SPHKAP: variants seen among roughly 807,000 people sequenced by gnomAD.
The protein encoded by SPHKAP is A-kinase anchor protein SPHKAP.
Under a neutral mutation model 137.5 loss-of-function variants are expected in SPHKAP, and 67 were observed. The ratio of observed to expected loss-of-function variants is 0.49; its 90% confidence interval spans 0.40 to 0.60. SPHKAP has a LOEUF of 0.60. Ranked by LOEUF, SPHKAP falls within the 20% of genes least tolerant of loss-of-function variation. The probability of loss-of-function intolerance (pLI) is 0.00; values close to 1 mark genes in which losing one functional copy is unlikely to be tolerated. For missense variants in SPHKAP, 2,097 were observed against 2,069.3 expected, an observed-to-expected ratio of 1.01 and a Z score of -0.26; for synonymous variants, 813 against 785.3, an observed-to-expected ratio of 1.04 and a Z score of -0.59.
intron 3 of SPHKAP, among the ~76,000 whole-genome samples, chr2:228,030,931 T>G (rs1247375069): frequency 6.6e-6 from 1 of 152,208 alleles, no homozygotes; most frequent in Non-Finnish European, 1.5e-5. Context: ...GGAACAGCTC[T>G]GGTCTACAGC....
intron 3 of SPHKAP, among the ~76,000 whole-genome samples, chr2:228,074,771 C>T (rs913334553): frequency 6.6e-6 from 1 of 151,814 alleles, no homozygotes; most frequent in African/African-American, 2.4e-5. Flanking sequence ...TTCCCTTCTG[C>T]CCTCCTTCCT....
At chr2:228,117,470 T>C (rs946946702) in intron 2 of SPHKAP, among the ~76,000 whole-genome samples, 4 of 152,120 alleles carry the variant, frequency 2.6e-5, no homozygotes, top group African/African-American at 9.7e-5. Context: ...TACATTTTCT[T>C]ACACAAGAAG....
Position 228,181,562 on chromosome 2 carries a change from C to A in SPHKAP, c.32+5G>T, listed in dbSNP as rs766501330. ...GTATTGGGCATAGAAAGAAGCGGGT[C>A]TTACCTTGGTACCGAGAGCAGGGAG... On this transcript the variant is annotated splice_donor_5th_base_variant and intron_variant, in intron 1 of 11. Transcript: ENST00000392056. The surrounding 1 kb of genome is among the most constrained non-coding windows in gnomAD (Gnocchi z 4.3). The A allele has an allele frequency of 1.2e-6, 2 of 1,614,192 alleles. No homozygotes were observed. Among genetic ancestry groups the A allele is most frequent in the East Asian group, 4.5e-5 (2 of 44,868 alleles).
intron 3 of SPHKAP, among the ~76,000 whole-genome samples, chr2:228,102,624 TA>T (rs1364320763): frequency 6.6e-6 from 1 of 152,230 alleles, no homozygotes; most frequent in African/African-American, 2.4e-5. Context: ...GGAGTAAGTC[TA>T]AAGCCTGCAC....
rs188776194 is a variant in SPHKAP at position 228,045,629 on chromosome 2, A to G, written c.247-18086T>C. Among the ~76,000 whole-genome samples the G allele has an allele frequency of 3.8e-3, 577 of 152,142 alleles. 3 individuals are homozygous for G. The highest frequency in any genetic ancestry group is 0.013 in the African/African-American group (556 of 41,488). ...TGGGGGAGCGGGGAGGGATAGCATTAGGAGATATACCTAATGCTAAATGAC... is the reference window on the plus strand; with the variant it reads ...TGGGGGAGCGGGGAGGGATAGCATTGGGAGATATACCTAATGCTAAATGAC... On this transcript the variant is annotated intron_variant, in intron 3 of 11. Transcript: ENST00000392056.
At chr2:228,133,713 A>G (rs1293248655) in intron 1 of SPHKAP, among the ~76,000 whole-genome samples, 2 of 152,218 alleles carry the variant, frequency 1.3e-5, no homozygotes, top group Non-Finnish European at 2.9e-5. Flanking sequence ...ATTTATTTCT[A>G]ACTAACCTAT....
intron 7 of SPHKAP, among the ~76,000 whole-genome samples, chr2:228,011,208 A>G (rs984338009): frequency 6.7e-6 from 1 of 148,784 alleles, no homozygotes; most frequent in Non-Finnish European, 1.5e-5. Flanking sequence ...TCGTATCCAG[A>G]GCTTGAACCC....
At chr2:228,160,613 T>A (rs1252680393) in intron 1 of SPHKAP, among the ~76,000 whole-genome samples, 1 of 152,028 alleles carries the variant, frequency 6.6e-6, no homozygotes, top group East Asian at 1.9e-4. Context: ...TCCCACCAGA[T>A]CCCTCCCATG....
At chr2:228,033,748 T>C (rs1203351257) in intron 3 of SPHKAP, among the ~76,000 whole-genome samples, 1 of 152,176 alleles carries the variant, frequency 6.6e-6, no homozygotes, top group African/African-American at 2.4e-5. Context: ...CTCAACTACA[T>C]GGAAACTGAA....
chr2:228,145,085 G>A (rs1428586543), intron 1 of SPHKAP, among the ~76,000 whole-genome samples: 1 of 152,114 alleles, frequency 6.6e-6, no homozygotes, highest in African/African-American at 2.4e-5. Context: ...ATCAAACTTG[G>A]ACAATCCTAT....
chr2:227,992,603 TAAAAC>T (rs1168633444), intron 9 of SPHKAP, among the ~76,000 whole-genome samples: 1 of 152,094 alleles, frequency 6.6e-6, no homozygotes. Context: ...GGTTTCTCCT[TAAAAC>T]AAAAGAAAAG....
Position 228,017,230 on chromosome 2 carries a change from T to A in SPHKAP, c.3624A>T (p.Glu1208Asp). The change falls in exon 7 of 12, where the codon GAA (glutamate) becomes GAT (aspartate). Residue 1208 changes from glutamate (E) to aspartate (D), a missense_variant. By Grantham distance (45) the Glu-to-Asp change is conservative. Transcript: ENST00000392056. The part of the protein sequence containing the change: ...MLRDIERDSR[E>D]SASSRRSSQD... ...GGCTGCTCCGTCTGGAGGAGGCACT[T>A]TCTCTGCTGTCTCTTTCGATGTCCC... The A allele has an allele frequency of 6.2e-7, 1 of 1,614,010 alleles. No individual in the cohort carries two copies. The highest frequency in any genetic ancestry group is 2.2e-5 in the East Asian group (1 of 44,856).
chr2:228,033,512 C>T (rs1484912282), intron 3 of SPHKAP, among the ~76,000 whole-genome samples: 1 of 152,200 alleles, frequency 6.6e-6, no homozygotes, highest in Non-Finnish European at 1.5e-5. Context: ...TTGAACTCAT[C>T]TCTGCAGCAA....
intron 3 of SPHKAP, among the ~76,000 whole-genome samples, chr2:228,086,444 C>T (rs1697541656): frequency 6.6e-6 from 1 of 152,100 alleles, no homozygotes; most frequent in Non-Finnish European, 1.5e-5. Context: ...GAAGCAGAGG[C>T]TACTCACATT....
At chr2:228,138,893 A>G (rs67322203) in intron 1 of SPHKAP, among the ~76,000 whole-genome samples, 52,168 of 132,678 alleles carry the variant, frequency 0.39, 9,245 homozygotes, top group East Asian at 0.55. Flanking sequence ...AATGAAGGAT[A>G]TTTCTTTTCA....
intron 1 of SPHKAP, among the ~76,000 whole-genome samples, chr2:228,179,081 A>G (rs1700823479): frequency 6.6e-6 from 1 of 152,186 alleles, no homozygotes; most frequent in Non-Finnish European, 1.5e-5. Context: ...GGAAAAGCCA[A>G]CATAAAATAT....
intron 1 of SPHKAP, among the ~76,000 whole-genome samples, chr2:228,174,948 A>G (rs992810091): frequency 1.1e-4 from 16 of 151,806 alleles, no homozygotes; most frequent in African/African-American, 3.9e-4. Flanking sequence ...ATATATCAGT[A>G]GAATGAACTT....
intron 5 of SPHKAP, among the ~76,000 whole-genome samples, chr2:228,024,553 T>A (rs1024089747): frequency 2.6e-5 from 4 of 152,162 alleles, no homozygotes; most frequent in Non-Finnish European, 2.9e-5. Context: ...TTAATTGATT[T>A]ATCACACTGT....
intron 1 of SPHKAP, among the ~76,000 whole-genome samples, chr2:228,180,311 C>A (rs1372566040): frequency 6.6e-6 from 1 of 152,160 alleles, no homozygotes; most frequent in Non-Finnish European, 1.5e-5. Context: ...TCGCGGAATA[C>A]AAATAATTCA....
Sources: gnomAD v4.1 joint callset for allele counts (sites outside exome capture counted in the v4.1 genomes callset) on GRCh38, gnomAD v4.1.1 for gene constraint, Gnocchi (gnomAD v3.1) non-coding constraint, MANE v1.5 for transcripts, NCBI Gene and HGNC (gene_info 2026-07-23, HGNC 2026-07-21) for gene names.